The following DISC1 variants were observed in gnomAD, a reference collection of about 807,000 sequenced individuals.
The protein encoded by DISC1 is DISC1 scaffold protein, also known as disrupted in schizophrenia 1 protein.
In DISC1, 57 loss-of-function variants were observed where a neutral mutation model predicts 84.5. That is an observed-to-expected ratio of 0.67 (90% CI 0.55 to 0.84). The LOEUF (loss-of-function observed/expected upper bound fraction) is 0.84. Among genes scored for constraint, DISC1 ranks in the 40% least tolerant of loss-of-function variants. The pLI, the probability that DISC1 is intolerant of heterozygous loss-of-function variation, is 0.00. For synonymous variants in DISC1, 411 were observed against 415.2 expected (o/e 0.99, Z 0.12); for missense variants, 1,000 against 1,057.8 (o/e 0.95, Z 0.76).
At chr1:231,771,591 G>T in intron 6 of DISC1, 1 of 985,316 alleles carries the variant, frequency 1.0e-6, no homozygotes. Flanking sequence ...GAGTTACTTC[G>T]GTTGTTGTAT....
chr1:231,983,156 A>C (rs2102878011), intron 10 of DISC1, among the ~76,000 whole-genome samples: 1 of 152,178 alleles, frequency 6.6e-6, no homozygotes, highest in Non-Finnish European at 1.5e-5. Context: ...ACCTGCTGGA[A>C]GTGCCTTCTG....
intron 10 of DISC1, among the ~76,000 whole-genome samples, chr1:231,979,611 A>T (rs1486290402): frequency 6.6e-6 from 1 of 151,256 alleles, no homozygotes; most frequent in African/African-American, 2.4e-5. Context: ...ATATATATAT[A>T]TAAAAGCATA....
At chr1:231,817,883 A>G (rs1294906004) in intron 8 of DISC1, among the ~76,000 whole-genome samples, 1 of 152,208 alleles carries the variant, frequency 6.6e-6, no homozygotes, top group Non-Finnish European at 1.5e-5. Context: ...TTCTTGCTCC[A>G]GGTCACACAG....
chr1:231,719,133 C>T (rs2069224362), intron 3 of DISC1, among the ~76,000 whole-genome samples: 1 of 152,028 alleles, frequency 6.6e-6, no homozygotes, highest in Admixed American at 6.6e-5. Flanking sequence ...TCCAAAAAAA[C>T]AAAAAAGACT....
intron 11 of DISC1, among the ~76,000 whole-genome samples, chr1:232,021,756 A>G (rs1000288748): frequency 6.6e-6 from 1 of 152,212 alleles, no homozygotes; most frequent in Non-Finnish European, 1.5e-5. Context: ...TAAAAGAACT[A>G]TTTATGATAT....
At chr1:231,953,500 C>T (rs964533303) in intron 9 of DISC1, among the ~76,000 whole-genome samples, 28 of 152,210 alleles carry the variant, frequency 1.8e-4, no homozygotes, top group African/African-American at 4.3e-4. Context: ...TTTAATTATC[C>T]GAACAAAGGT....
intron 9 of DISC1, among the ~76,000 whole-genome samples, chr1:231,859,890 G>A (rs1332887677): frequency 6.6e-6 from 1 of 152,052 alleles, no homozygotes; most frequent in East Asian, 1.9e-4. Context: ...TTTTCGTTGG[G>A]GCTCCTCTTT....
At chr1:231,695,629 G>A (rs1355450975) in intron 2 of DISC1, among the ~76,000 whole-genome samples, 5 of 73,222 alleles carry the variant, frequency 6.8e-5, no homozygotes, top group South Asian at 3.5e-4. Context: ...GTGTGTGCGT[G>A]TGTGTGTGTG....
intron 9 of DISC1, among the ~76,000 whole-genome samples, chr1:231,956,368 T>C (rs1018142421): frequency 2.6e-5 from 4 of 152,186 alleles, no homozygotes; most frequent in Middle Eastern, 3.2e-3. Context: ...TCTTTTGTTA[T>C]AGGGGTGTCA....
chr1:232,026,873 T>G (rs1669525326), intron 12 of DISC1, among the ~76,000 whole-genome samples: 1 of 150,066 alleles, frequency 6.7e-6, no homozygotes, highest in South Asian at 2.1e-4. Context: ...CTCAGCCTCC[T>G]GAGTAGCTGG....
At chr1:231,959,436 A>C (rs1660080081) in intron 10 of DISC1, 4 of 985,732 alleles carry the variant, frequency 4.1e-6, no homozygotes, top group Non-Finnish European at 4.8e-6. Flanking sequence ...TGTGCTTAGG[A>C]AAATAAATCC....
chr1:231,815,730 C>G (rs1046208673), intron 8 of DISC1, among the ~76,000 whole-genome samples: 5 of 126,306 alleles, frequency 4.0e-5, no homozygotes, highest in Non-Finnish European at 8.3e-5. Flanking sequence ...AAGAACAAAA[C>G]TCTGTCTCAA....
intron 10 of DISC1, among the ~76,000 whole-genome samples, chr1:231,986,537 A>T (rs776578379): frequency 6.6e-6 from 1 of 152,294 alleles, no homozygotes; most frequent in South Asian, 2.1e-4. Flanking sequence ...GTTCACAGAG[A>T]TTGTAAATCC....
Position 231,694,687 on chromosome 1 carries a change from C to T in DISC1, c.929C>T (p.Ala310Val). The T allele has an allele frequency of 6.2e-7, 1 of 1,614,234 alleles. No individual in the cohort carries two copies. The highest frequency in any genetic ancestry group is 8.5e-7 in the Non-Finnish European group (1 of 1,180,050). The stretch of plus-strand genomic sequence containing the variant: ...TCCAGTTCTCTGGATCCCTCACTGG[C>T]TGGCTGTGGTGGTGATGGGAGCAGC... ...GSSSSLDPSLAGCGGDGSSGS... is the reference protein window; with the variant it reads ...GSSSSLDPSLVGCGGDGSSGS... The change falls in exon 2 of 13, where the codon GCT becomes GTT. Residue 310 changes from alanine (A) to valine (V), a missense_variant. By Grantham distance (64) the Ala-to-Val change is moderately conservative (BLOSUM62 0). This residue lies in a region of DISC1 where 311 missense variants were observed against 400.1 expected (regional missense o/e 0.78). Transcript: ENST00000439617.
chr1:231,709,416 G>A (rs1365516771), intron 3 of DISC1, among the ~76,000 whole-genome samples: 2 of 152,032 alleles, frequency 1.3e-5, no homozygotes, highest in African/African-American at 4.8e-5. Context: ...TCTTTCTTAG[G>A]TCTTGGTAGG....
At chr1:231,718,772 G>A (rs566544819) in intron 3 of DISC1, among the ~76,000 whole-genome samples, 6 of 152,246 alleles carry the variant, frequency 3.9e-5, no homozygotes, top group African/African-American at 1.4e-4. Context: ...GTTCCCGAAG[G>A]CATACTGCCT....
intron 6 of DISC1, among the ~76,000 whole-genome samples, chr1:231,775,655 A>G (rs1470785665): frequency 2.6e-5 from 4 of 152,264 alleles, no homozygotes; most frequent in South Asian, 4.1e-4. Context: ...GCTCCACAGT[A>G]TGGAAGCTGA....
chr1:231,960,815 C>T (rs570824795), intron 10 of DISC1, among the ~76,000 whole-genome samples: 24 of 152,314 alleles, frequency 1.6e-4, no homozygotes, highest in Admixed American at 3.3e-4. Flanking sequence ...CAAGACTGCC[C>T]CACTTACAAT....
At chr1:231,992,683 C>T (rs1054088681) in intron 10 of DISC1, among the ~76,000 whole-genome samples, 4 of 152,110 alleles carry the variant, frequency 2.6e-5, no homozygotes, top group African/African-American at 9.7e-5. Flanking sequence ...TTGAGACTTA[C>T]CCTGAGATTT....
Sources: allele counts gnomAD v4.1 joint callset (sites outside exome capture counted in the v4.1 genomes callset), GRCh38; gene constraint gnomAD v4.1.1; regional missense constraint gnomAD v4.1.1; transcripts MANE v1.5; gene names NCBI Gene and HGNC (gene_info 2026-07-23, HGNC 2026-07-21).